The following RNF187 variants were observed in gnomAD, a reference collection of about 807,000 sequenced individuals.
The protein encoded by RNF187 is E3 ubiquitin-protein ligase RNF187.
A neutral mutation model predicts 22.2 loss-of-function variants in RNF187; 18 were observed. The observed-to-expected ratio is 0.81, with a 90% CI of 0.56 to 1.20. The LOEUF is 1.20. Ranked by LOEUF, RNF187 falls within the 50% of genes most tolerant of loss-of-function variation. The probability of loss-of-function intolerance (pLI) is 0.00; values close to 1 mark genes in which losing one functional copy is unlikely to be tolerated. For synonymous variants in RNF187, 164 were observed against 140.9 expected, an observed-to-expected ratio of 1.16 and a Z score of -1.16; for missense variants, 329 against 317.6, an observed-to-expected ratio of 1.04 and a Z score of -0.27.
Position 228,488,944 on chromosome 1 carries a change from C to T in RNF187, c.391-16C>T. On this transcript the variant is annotated splice_polypyrimidine_tract_variant and intron_variant, in intron 1 of 3. Transcript: ENST00000305943. ...AGAGCTTCTGCCCACCCCTGGTGAC[C>T]TTCTTTTCTTTACAGGAGAACAAGG... 5 of 1,549,492 alleles carry T rather than the reference C, an allele frequency of 3.2e-6. No individual in the cohort carries two copies. The highest frequency in any genetic ancestry group is 4.4e-6 in the Non-Finnish European group (5 of 1,145,456).
In RNF187 at chr1:228,493,798, G is replaced by C; in HGVS notation, c.706-85G>C. ...CTGTCTCATGTGCGCTCTCTCTTTC[G>C]CTCTCTCCTTTTGCCTCTGTCTCTG... On this transcript the variant is annotated intron_variant, in intron 3 of 3. Coordinates refer to ENST00000305943, the MANE Select transcript of RNF187 (RefSeq NM_001010858.3). This position sits in a 1 kb window ranked among gnomAD's most constrained non-coding sequence, Gnocchi z 4.7. 7.1e-7 allele frequency: 1 copy of C among 1,414,000 alleles called. No individual in the cohort carries two copies. Among genetic ancestry groups the C allele is most frequent in the Non-Finnish European group, 9.8e-7 (1 of 1,022,314 alleles). The allele number at this position is 1,414,000 out of a possible 1,614,324, so 87.6% of individuals were successfully genotyped here.
At position 228,487,408 on chromosome 1, in the gene RNF187, C is replaced by T. The variant is rs972747915; in HGVS notation, c.-81C>T. On this transcript the variant is annotated 5_prime_UTR_variant, in exon 1 of 4. Coordinates refer to ENST00000305943, the MANE Select transcript of RNF187 (RefSeq NM_001010858.3). ...TTGGCGTCTTCGTCCTGTTGCTGGT[C>T]TCCGTCCGGTCGCCGGCCGTCTAGG... is the stretch of plus-strand genomic sequence containing the variant. 2.8e-6 allele frequency: 3 copies of T among 1,064,318 alleles called. No homozygotes were observed. The highest frequency in any genetic ancestry group is 3.4e-6 in the Non-Finnish European group (3 of 883,696). 65.9% of individuals were successfully genotyped at this position (1,064,318 alleles called of 1,614,324 possible). A position where few individuals can be genotyped will look rare whatever the true frequency, so the allele number is the denominator to read the frequency against.
Position 228,494,846 on chromosome 1 carries a change from G to A in RNF187, c.*961G>A. 32 of 985,322 alleles carry A rather than the reference G, an allele frequency of 3.2e-5. No individual in the cohort carries two copies. The African/African-American group carries it at 4.2e-4, about 13-fold the overall frequency. 61.0% of individuals were successfully genotyped at this position (985,322 alleles called of 1,614,324 possible). On this transcript the variant is annotated 3_prime_UTR_variant, in exon 4 of 4. Coordinates refer to ENST00000305943, the MANE Select transcript of RNF187 (RefSeq NM_001010858.3). ...TTTGGGGATAGCCGGGCTTGTGAGC[G>A]GTGCCCATTTCCAGATGAAGCCTTT... is the stretch of plus-strand genomic sequence containing the variant.
intron 2 of RNF187, among the ~76,000 whole-genome samples, chr1:228,492,038 G>A: frequency 6.6e-6 from 1 of 152,028 alleles, no homozygotes; most frequent in Non-Finnish European, 1.5e-5. Flanking sequence ...TGGAGGTCAG[G>A]GTGATCTTGC....
Position 228,494,151 on chromosome 1 carries a change from C to G in RNF187, c.*266C>G. 1.5e-5 allele frequency: 21 copies of G among 1,412,678 alleles called. No homozygotes were observed. The South Asian group carries it at 2.5e-4, about 17-fold the overall frequency. 87.5% of individuals were successfully genotyped at this position (1,412,678 alleles called of 1,614,324 possible). A position where few individuals can be genotyped will look rare whatever the true frequency, so the allele number is the denominator to read the frequency against. ...TCCTGAAGTCCTAGCCACAGCCCAT[C>G]CTCCATGAGTCCCGGCAGCTCTGGG... is the stretch of plus-strand genomic sequence containing the variant. On this transcript the variant is annotated 3_prime_UTR_variant, in exon 4 of 4. Coordinates refer to ENST00000305943, the MANE Select transcript of RNF187 (RefSeq NM_001010858.3).
chr1:228,492,377 T>G, intron 2 of RNF187, among the ~76,000 whole-genome samples: 1 of 151,684 alleles, frequency 6.6e-6, no homozygotes, highest in East Asian at 1.9e-4. Flanking sequence ...TTTTTTTGTT[T>G]TTTGTTTTTT....
chr1:228,494,427 G>C lies in RNF187; in HGVS notation c.*542G>C. On this transcript the variant is annotated 3_prime_UTR_variant, in exon 4 of 4. Coordinates refer to ENST00000305943, the MANE Select transcript of RNF187 (RefSeq NM_001010858.3). ...CTCCTGAGGAGGCGGCCCCCCTCTT[G>C]AGGTGGGCGTGGGCCCGGCCCAGCC... is the stretch of plus-strand genomic sequence containing the variant. 1.0e-6 allele frequency: 1 copy of C among 994,856 alleles called. No homozygotes were observed. Among genetic ancestry groups the C allele is most frequent in the Non-Finnish European group, 1.2e-6 (1 of 835,100 alleles). The allele number at this position is 994,856 out of a possible 1,614,324, so 61.6% of individuals were successfully genotyped here. A position where few individuals can be genotyped will look rare whatever the true frequency, so the allele number is the denominator to read the frequency against.
chr1:228,488,106 C>A, intron 1 of RNF187: 5 of 185,498 alleles, frequency 2.7e-5, no homozygotes, highest in African/African-American at 4.8e-5. Context: ...TGCGTCTCTT[C>A]GGAGTCTGGT....
intron 2 of RNF187, among the ~76,000 whole-genome samples, chr1:228,492,310 A>T: frequency 6.6e-6 from 1 of 151,776 alleles, no homozygotes; most frequent in Non-Finnish European, 1.5e-5. Context: ...TCAGCCTCCC[A>T]AAGTACTGTG....
In RNF187 at chr1:228,496,166, T is replaced by A; in HGVS notation, c.*2281T>A. Among the ~76,000 whole-genome samples the A allele has an allele frequency of 2.6e-5, 4 of 152,266 alleles. No individual in the cohort carries two copies. The highest frequency in any genetic ancestry group is 7.2e-5 in the African/African-American group (3 of 41,480). On this transcript the variant is annotated 3_prime_UTR_variant, in exon 4 of 4. Transcript: ENST00000305943. ...ACCACCGTTCTACTCTCTAATTCTATAAATCAACATTTTGATTCCACATAT... is the reference window on the plus strand; with the variant it reads ...ACCACCGTTCTACTCTCTAATTCTAAAAATCAACATTTTGATTCCACATAT...
Position 228,493,738 on chromosome 1 carries a change from C to G in RNF187, c.706-145C>G. The G allele has an allele frequency of 1.1e-6, 1 of 932,982 alleles. No individual in the cohort carries two copies. Among genetic ancestry groups the G allele is most frequent in the Non-Finnish European group, 1.7e-6 (1 of 593,484 alleles). The allele number at this position is 932,982 out of a possible 1,614,324, so 57.8% of individuals were successfully genotyped here. Reference sequence around the variant, plus strand: ...GGGAGACGGAAGTCTGGGCCAGGCCCTGGGTTTGTTGTGCTCAGGACAGTA... The same window carrying G: ...GGGAGACGGAAGTCTGGGCCAGGCCGTGGGTTTGTTGTGCTCAGGACAGTA... On this transcript the variant is annotated intron_variant, in intron 3 of 3. Transcript: ENST00000305943. This position sits in a 1 kb window ranked among gnomAD's most constrained non-coding sequence, Gnocchi z 4.7.
chr1:228,494,765 C>G lies in RNF187; in HGVS notation c.*880C>G. On this transcript the variant is annotated 3_prime_UTR_variant, in exon 4 of 4. Transcript: ENST00000305943. The stretch of plus-strand genomic sequence containing the variant: ...GTAGATAAATTAGTCGACAGAAACT[C>G]AGCACTGGGGACAGGATTGCAAAGT... 3 of 985,068 alleles carry G rather than the reference C, an allele frequency of 3.0e-6. No homozygotes were observed. The African/African-American group carries it at 5.3e-5, about 17-fold the overall frequency. 61.0% of individuals were successfully genotyped at this position (985,068 alleles called of 1,614,324 possible).
chr1:228,493,321 G>A lies in RNF187; in HGVS notation c.705+47G>A. 7 of 1,515,364 alleles carry A rather than the reference G, an allele frequency of 4.6e-6. No individual in the cohort carries two copies. The highest frequency in any genetic ancestry group is 2.5e-5 in the East Asian group (1 of 40,410). The allele number at this position is 1,515,364 out of a possible 1,614,324, so 93.9% of individuals were successfully genotyped here. ...TGCCCACCATCGGGCCAGGGTGGAC[G>A]CAGGCAGCAGCGAGCCATTGGGGGA... On this transcript the variant is annotated intron_variant, in intron 3 of 3. Coordinates refer to ENST00000305943, the MANE Select transcript of RNF187 (RefSeq NM_001010858.3). The surrounding 1 kb of genome is among the most constrained non-coding windows in gnomAD (Gnocchi z 4.7).
At position 228,493,095 on chromosome 1, in the gene RNF187, A is replaced by T; in HGVS notation, c.526A>T (p.Lys176Ter). The T allele has an allele frequency of 6.4e-7, 1 of 1,551,576 alleles. No individual in the cohort carries two copies. The change falls in exon 3 of 4, where the codon AAG becomes TAG. Residue 176 changes from lysine (K) to a stop codon, truncating the protein, a stop_gained. Transcript: ENST00000305943. LOFTEE classifies it high-confidence loss of function. This position sits in a 1 kb window ranked among gnomAD's most constrained non-coding sequence, Gnocchi z 4.7. ...TAGGAAGAAGGCACTGACCGACTAC[A>T]AGAAGCTGCGGGCCTTCTTTGTGGA...
In RNF187 at chr1:228,495,132, G is replaced by A; in HGVS notation, c.*1247G>A. 3 of 707,738 alleles carry A rather than the reference G, an allele frequency of 4.2e-6. No individual in the cohort carries two copies. Among genetic ancestry groups the A allele is most frequent in the African/African-American group, 3.9e-5 (2 of 51,762 alleles). The allele number at this position is 707,738 out of a possible 1,614,324, so 43.8% of individuals were successfully genotyped here. On this transcript the variant is annotated 3_prime_UTR_variant, in exon 4 of 4. Coordinates refer to ENST00000305943, the MANE Select transcript of RNF187 (RefSeq NM_001010858.3). Reference sequence around the variant, plus strand: ...TGTGGGACCCTTTCCTTGGGGCCTGGGGGGAGATGGGGCTCCACCCCGACG... The same window carrying A: ...TGTGGGACCCTTTCCTTGGGGCCTGAGGGGAGATGGGGCTCCACCCCGACG...
intron 2 of RNF187, among the ~76,000 whole-genome samples, chr1:228,492,258 C>G: frequency 8.6e-5 from 13 of 152,016 alleles, no homozygotes; most frequent in Admixed American, 2.0e-4. Context: ...CACTGTTGCC[C>G]AGGCTAGTCT....
chr1:228,494,015 C>T lies in RNF187; in HGVS notation c.*130C>T. The T allele has an allele frequency of 7.8e-6, 12 of 1,547,092 alleles. No homozygotes were observed. The highest frequency in any genetic ancestry group is 5.9e-5 in the Admixed American group (3 of 50,796). On this transcript the variant is annotated 3_prime_UTR_variant, in exon 4 of 4. Coordinates refer to ENST00000305943, the MANE Select transcript of RNF187 (RefSeq NM_001010858.3). ...GGCCTTGGGTCCATCTACATAGTTG[C>T]GTGTTTCAACAATGTCCATTTATCC... is the stretch of plus-strand genomic sequence containing the variant.
At position 228,493,809 on chromosome 1, in the gene RNF187, T is replaced by C; in HGVS notation, c.706-74T>C. 6.8e-7 allele frequency: 1 copy of C among 1,481,232 alleles called. No homozygotes were observed. Among genetic ancestry groups the C allele is most frequent in the Non-Finnish European group, 9.2e-7 (1 of 1,083,156 alleles). The allele number at this position is 1,481,232 out of a possible 1,614,324, so 91.8% of individuals were successfully genotyped here. ...GCGCTCTCTCTTTCGCTCTCTCCTT[T>C]TGCCTCTGTCTCTGACTCTGTGTGT... On this transcript the variant is annotated intron_variant, in intron 3 of 3. Transcript: ENST00000305943. This position sits in a 1 kb window ranked among gnomAD's most constrained non-coding sequence, Gnocchi z 4.7.
intron 1 of RNF187, 121 bp downstream of exon 1, chr1:228,487,999 C>G: frequency 1.6e-6 from 1 of 619,254 alleles, no homozygotes; most frequent in Non-Finnish European, 2.1e-6. Context: ...CCGGATTGTC[C>G]CCGTCCCCGG....
Sources: allele counts gnomAD v4.1 joint callset (sites outside exome capture counted in the v4.1 genomes callset), GRCh38; gene constraint gnomAD v4.1.1; non-coding constraint Gnocchi (gnomAD v3.1); transcripts MANE v1.5; gene names NCBI Gene and HGNC (gene_info 2026-07-23, HGNC 2026-07-21).